WDR49: variants seen among roughly 807,000 people sequenced by gnomAD.
WDR49 encodes the protein cilia- and flagella-associated protein 337.
WDR49 carries 107 observed loss-of-function variants against 119.5 expected under a neutral mutation model. That is an observed-to-expected ratio of 0.90 (90% CI 0.77 to 1.05). WDR49 has a LOEUF of 1.05. Ranked by LOEUF, WDR49 falls within the 50% of genes least tolerant of loss-of-function variation. The pLI, the probability that WDR49 is intolerant of heterozygous loss-of-function variation, is 0.00. For missense variants in WDR49, 1,240 were observed against 1,220.5 expected, an observed-to-expected ratio of 1.02 and a Z score of -0.24; for synonymous variants, 425 against 418.8, an observed-to-expected ratio of 1.01 and a Z score of -0.18.
At position 167,530,672 on chromosome 3, in the gene WDR49, T is replaced by A. The variant is rs538659177; in HGVS notation, c.2218+443A>T. On this transcript the variant is annotated intron_variant, in intron 13 of 18. Coordinates refer to ENST00000682715, the MANE Select transcript of WDR49 (RefSeq NM_001366157.1). The stretch of plus-strand genomic sequence containing the variant: ...CTGTTACTGTTCTTAACATCCATGC[T>A]CCTCATTATTCTCTTCCAGCCTATT... Among the ~76,000 whole-genome samples the A allele has an allele frequency of 1.1e-4, 16 of 152,226 alleles. No homozygotes were observed. In the Middle Eastern group the frequency reaches 0.014, roughly 129 times the overall value.
At chr3:167,504,531 G>A (rs1269232044) in intron 17 of WDR49, among the ~76,000 whole-genome samples, 1 of 152,080 alleles carries the variant, frequency 6.6e-6, no homozygotes, top group Non-Finnish European at 1.5e-5. Context: ...GAAAGTAAAT[G>A]ACTTTTTTAT....
intron 8 of WDR49, among the ~76,000 whole-genome samples, chr3:167,561,547 G>A (rs1713271224): frequency 6.6e-6 from 1 of 152,308 alleles, no homozygotes; most frequent in South Asian, 2.1e-4. Flanking sequence ...TCACCTTTGG[G>A]TACTGTGGAA....
At chr3:167,527,212 ACT>A (rs1752667672) in intron 15 of WDR49, among the ~76,000 whole-genome samples, 3 of 151,894 alleles carry the variant, frequency 2.0e-5, no homozygotes, top group Non-Finnish European at 4.4e-5. Context: ...ATTTATTCAA[ACT>A]CTCTGTGCCT....
intron 2 of WDR49, among the ~76,000 whole-genome samples, chr3:167,648,803 G>T (rs1718242890): frequency 6.6e-6 from 1 of 152,080 alleles, no homozygotes; most frequent in Non-Finnish European, 1.5e-5. Flanking sequence ...GGGACAGCCT[G>T]AGACCTGAAT....
At chr3:167,586,521 T>G (rs1018683464) in intron 7 of WDR49, among the ~76,000 whole-genome samples, 1 of 152,244 alleles carries the variant, frequency 6.6e-6, no homozygotes, top group Non-Finnish European at 1.5e-5. Flanking sequence ...TCTATAGATC[T>G]TCTAATTCAG....
At chr3:167,545,197 T>C (rs1712101593) in intron 10 of WDR49, among the ~76,000 whole-genome samples, 1 of 151,394 alleles carries the variant, frequency 6.6e-6, no homozygotes. Flanking sequence ...CAAAATATAA[T>C]ACATGTTGGC....
At chr3:167,652,059 T>C (rs923525165) in intron 2 of WDR49, among the ~76,000 whole-genome samples, 1 of 152,210 alleles carries the variant, frequency 6.6e-6, no homozygotes, top group Admixed American at 6.5e-5. Context: ...GCTATGTCTA[T>C]CAAAATATGC....
At chr3:167,502,021 A>G (rs1751591102) in intron 17 of WDR49, among the ~76,000 whole-genome samples, 1 of 152,190 alleles carries the variant, frequency 6.6e-6, no homozygotes, top group South Asian at 2.1e-4. Context: ...GGCCTGGTAG[A>G]AGATGACTGG....
intron 18 of WDR49, among the ~76,000 whole-genome samples, chr3:167,479,504 G>A (rs1750614371): frequency 6.6e-6 from 1 of 152,130 alleles, no homozygotes; most frequent in Admixed American, 6.5e-5. Context: ...AGAAGTAGGA[G>A]GAAATTGTGC....
chr3:167,482,628 G>A (rs1001128557), intron 18 of WDR49, among the ~76,000 whole-genome samples: 1 of 150,038 alleles, frequency 6.7e-6, no homozygotes, highest in Non-Finnish European at 1.5e-5. Context: ...GCAGTGAGTT[G>A]AGATCGTGCC....
At chr3:167,548,963 A>C (rs1712376787) in intron 10 of WDR49, among the ~76,000 whole-genome samples, 1 of 151,996 alleles carries the variant, frequency 6.6e-6, no homozygotes, top group Non-Finnish European at 1.5e-5. Flanking sequence ...CGTCCTTGCA[A>C]TAGTTTGCTC....
intron 16 of WDR49, among the ~76,000 whole-genome samples, chr3:167,510,488 A>G (rs1751929854): frequency 6.6e-6 from 1 of 152,006 alleles, no homozygotes; most frequent in African/African-American, 2.4e-5. Flanking sequence ...AGTTTTGCAG[A>G]CTCTAGGAAA....
intron 8 of WDR49, among the ~76,000 whole-genome samples, chr3:167,568,139 T>G (rs1713714921): frequency 6.6e-6 from 1 of 152,234 alleles, no homozygotes; most frequent in African/African-American, 2.4e-5. Flanking sequence ...CATTTTCATC[T>G]GCTTAAAAAA....
chr3:167,560,293 T>C, intron 8 of WDR49, 65 bp from the exon 9 acceptor site: 1 of 1,481,260 alleles, frequency 6.8e-7, no homozygotes, highest in Middle Eastern at 2.2e-4. Flanking sequence ...TATATTTCAA[T>C]AAACATATCC....
chr3:167,560,248 T>A lies in WDR49; in HGVS notation c.1510-20A>T, dbSNP rs1209969800. 1.2e-6 allele frequency: 2 copies of A among 1,601,666 alleles called. No individual in the cohort carries two copies. Among genetic ancestry groups the A allele is most frequent in the Non-Finnish European group, 1.7e-6 (2 of 1,173,252 alleles). ...GATTACCTAAGAGAAAATAACATTT[T>A]AAAGAAATTAAATATAGTCTCAGAA... On this transcript the variant is annotated intron_variant, in intron 8 of 18. Coordinates refer to ENST00000682715, the MANE Select transcript of WDR49 (RefSeq NM_001366157.1).
At chr3:167,530,017 C>CTGA (rs916001815) in intron 13 of WDR49, among the ~76,000 whole-genome samples, 1 of 151,936 alleles carries the variant, frequency 6.6e-6, no homozygotes, top group Non-Finnish European at 1.5e-5. Context: ...TCTGGGAATA[C>CTGA]TGATAACATT....
Position 167,627,134 on chromosome 3 carries a change from T to C in WDR49, c.324A>G (p.Ser108=). The C allele has an allele frequency of 1.6e-6, 2 of 1,267,112 alleles. No individual in the cohort carries two copies. Among genetic ancestry groups the C allele is most frequent in the Non-Finnish European group, 2.0e-6 (2 of 1,006,610 alleles). The allele number at this position is 1,267,112 out of a possible 1,614,324, so 78.5% of individuals were successfully genotyped here. Residue 108 remains serine (S), a synonymous_variant, in exon 3 of 19, where the codon TCA becomes TCG. Coordinates refer to ENST00000682715, the MANE Select transcript of WDR49 (RefSeq NM_001366157.1). ...DGFINWDKLT[S]FILLELYEQD... ...GCTCATAAAGCTCTAGCAGTATAAATGAAGTCAGCTTGTCCCAATTAATGA... is the reference window on the plus strand; with the variant it reads ...GCTCATAAAGCTCTAGCAGTATAAACGAAGTCAGCTTGTCCCAATTAATGA...
At position 167,527,910 on chromosome 3, in the gene WDR49, T is replaced by C; in HGVS notation, c.2514A>G (p.Pro838=). The change falls in exon 15 of 19, where the codon CCA becomes CCG. Residue 838 remains proline (P), a synonymous_variant. Transcript: ENST00000682715. ...AGGAGATAATCAGTAACTGACCACCTGGCTCACACATCTCTAAGGAACTTA... is the reference window on the plus strand; with the variant it reads ...AGGAGATAATCAGTAACTGACCACCCGGCTCACACATCTCTAAGGAACTTA... ...DRISSLEMCE[P]GGQLLIISSS... 6.2e-7 allele frequency: 1 copy of C among 1,613,338 alleles called. No homozygotes were observed. The highest frequency in any genetic ancestry group is 1.3e-5 in the African/African-American group (1 of 75,000).
At chr3:167,572,449 G>A (rs1713986229) in intron 8 of WDR49, among the ~76,000 whole-genome samples, 1 of 152,160 alleles carries the variant, frequency 6.6e-6, no homozygotes, top group Non-Finnish European at 1.5e-5. Context: ...AACAACACAA[G>A]GGAAGGTTTT....
Sources: gnomAD v4.1 joint callset for allele counts (sites outside exome capture counted in the v4.1 genomes callset) on GRCh38, gnomAD v4.1.1 for gene constraint, MANE v1.5 for transcripts, NCBI Gene and HGNC (gene_info 2026-07-23, HGNC 2026-07-21) for gene names.